UBE2L3: variants seen among roughly 807,000 people sequenced by gnomAD.
UBE2L3 encodes the protein ubiquitin conjugating enzyme E2 L3.
UBE2L3 carries 1 observed loss-of-function variant against 17.8 expected under a neutral mutation model. That is an observed-to-expected ratio of 0.06 (90% CI 0.02 to 0.27). UBE2L3 has a LOEUF of 0.27. Among genes scored for constraint, UBE2L3 ranks in the 10% least tolerant of loss-of-function variants. UBE2L3 has a pLI of 1.00. For synonymous variants in UBE2L3, 44 were observed against 68.5 expected (o/e 0.64, Z 1.76); for missense variants, 40 against 192.6 (o/e 0.21, Z 4.69).
chr22:21,592,562 A>G (rs1384626705), intron 1 of UBE2L3, among the ~76,000 whole-genome samples: 2 of 152,174 alleles, frequency 1.3e-5, no homozygotes, highest in Admixed American at 6.5e-5. Context: ...CATGGTGACC[A>G]ACCCAAAGAG....
intron 2 of UBE2L3, among the ~76,000 whole-genome samples, chr22:21,596,241 C>T (rs1378272383): frequency 6.6e-6 from 1 of 152,120 alleles, no homozygotes; most frequent in Non-Finnish European, 1.5e-5. Context: ...TGTGCTGTCA[C>T]CCAGGCTAGG....
rs1930058314 is a variant in UBE2L3, at chr22:21,622,033, C to T, written c.*364C>T. On this transcript the variant is annotated 3_prime_UTR_variant, in exon 4 of 4. Coordinates refer to ENST00000342192, the MANE Select transcript of UBE2L3 (RefSeq NM_003347.4). ...GGTTGTGGTTCCCTTTCTTCCCTAC[C>T]CTTGCCACTCCCACTTTCTGGCACC... is the stretch of plus-strand genomic sequence containing the variant. 1 of 201,154 alleles carries T rather than the reference C, an allele frequency of 5.0e-6. No homozygotes were observed. The highest frequency in any genetic ancestry group is 1.0e-5 in the Non-Finnish European group (1 of 99,754). The allele number at this position is 201,154 out of a possible 1,614,324, so 12.5% of individuals were successfully genotyped here. A position where few individuals can be genotyped will look rare whatever the true frequency, so the allele number is the denominator to read the frequency against.
At chr22:21,557,480 G>A (rs1422573281) in intron 1 of UBE2L3, among the ~76,000 whole-genome samples, 34 of 152,246 alleles carry the variant, frequency 2.2e-4, no homozygotes, top group African/African-American at 7.9e-4. Context: ...TGCAGGAAGC[G>A]GATGGGGAGA....
At chr22:21,586,910 C>T (rs1187135274) in intron 1 of UBE2L3, among the ~76,000 whole-genome samples, 2 of 140,156 alleles carry the variant, frequency 1.4e-5, no homozygotes, top group Non-Finnish European at 3.0e-5. Flanking sequence ...GATAGGTTCT[C>T]GCTCTGTCGC....
intron 1 of UBE2L3, among the ~76,000 whole-genome samples, chr22:21,570,935 T>C (rs1926930359): frequency 6.6e-6 from 1 of 152,196 alleles, no homozygotes; most frequent in Admixed American, 6.5e-5. Context: ...ACAGCAAAGA[T>C]TTCTTTGTAA....
At chr22:21,581,326 G>A (rs1284789065) in intron 1 of UBE2L3, among the ~76,000 whole-genome samples, 2 of 149,096 alleles carry the variant, frequency 1.3e-5, no homozygotes, top group Non-Finnish European at 3.0e-5. Context: ...CAAAGTGCTG[G>A]GATTTGAGCC....
At chr22:21,574,925 A>G (rs1012524570) in intron 1 of UBE2L3, among the ~76,000 whole-genome samples, 1 of 151,780 alleles carries the variant, frequency 6.6e-6, no homozygotes, top group African/African-American at 2.4e-5. Context: ...AGATCGTGCC[A>G]CTGCACTCCA....
chr22:21,610,795 C>A, intron 2 of UBE2L3, 62 bp from the exon 3 acceptor site: 1 of 1,433,518 alleles, frequency 7.0e-7, no homozygotes, highest in East Asian at 2.5e-5. Context: ...TTAAAACATT[C>A]CTGTCTTGGC....
intron 1 of UBE2L3, among the ~76,000 whole-genome samples, chr22:21,579,770 CA>C (rs1480367481): frequency 4.6e-5 from 7 of 151,470 alleles, no homozygotes; most frequent in Non-Finnish European, 8.8e-5. Context: ...GACCCTGTCT[CA>C]GGGGGAAAAA....
At chr22:21,588,552 G>A (rs927889432) in intron 1 of UBE2L3, among the ~76,000 whole-genome samples, 3 of 146,966 alleles carry the variant, frequency 2.0e-5, no homozygotes, top group Admixed American at 7.0e-5. Flanking sequence ...TCACTGCACA[G>A]CCTTGACTGC....
intron 3 of UBE2L3, among the ~76,000 whole-genome samples, chr22:21,621,036 G>C (rs1488536221): frequency 1.3e-5 from 2 of 152,184 alleles, no homozygotes; most frequent in Non-Finnish European, 2.9e-5. Context: ...GGTGGTGCAC[G>C]ACTGTAGTCC....
At chr22:21,615,014 G>T (rs938301336) in intron 3 of UBE2L3, among the ~76,000 whole-genome samples, 141 of 152,144 alleles carry the variant, frequency 9.3e-4, no homozygotes, top group Non-Finnish European at 3.4e-4. Flanking sequence ...AATTAGCTGG[G>T]TGTGGTGGCG....
At chr22:21,609,836 G>A (rs897097202) in intron 2 of UBE2L3, among the ~76,000 whole-genome samples, 13 of 152,104 alleles carry the variant, frequency 8.5e-5, no homozygotes, top group African/African-American at 2.2e-4. Context: ...GACCAGCCTG[G>A]CCAACATGGT....
intron 1 of UBE2L3, among the ~76,000 whole-genome samples, chr22:21,561,201 T>C (rs1020237356): frequency 3.3e-5 from 5 of 152,296 alleles, no homozygotes; most frequent in African/African-American, 1.2e-4. Context: ...AGTTTTTTCC[T>C]CTGTAAATGG....
chr22:21,576,207 C>T lies in UBE2L3; in HGVS notation c.27+8436C>T, dbSNP rs539968534. On this transcript the variant is annotated intron_variant, in intron 1 of 3. Transcript: ENST00000342192. ...TTGGTTCACTGCAACCTCCGCCTCC[C>T]GGGTTCAAGCAATTCTTCTGCCTCA... Among the ~76,000 whole-genome samples the T allele has an allele frequency of 8.6e-5, 13 of 151,468 alleles. No individual in the cohort carries two copies. In the South Asian group the frequency reaches 1.0e-3, roughly 12 times the overall value.
chr22:21,612,044 T>C (rs1041522471), intron 3 of UBE2L3, among the ~76,000 whole-genome samples: 1 of 152,196 alleles, frequency 6.6e-6, no homozygotes, highest in African/African-American at 2.4e-5. Context: ...AGCTGAACTT[T>C]TGACCTGCAC....
intron 1 of UBE2L3, among the ~76,000 whole-genome samples, chr22:21,586,713 G>A (rs1927957461): frequency 1.3e-5 from 2 of 151,722 alleles, no homozygotes; most frequent in Non-Finnish European, 2.9e-5. Context: ...GAATACAGGA[G>A]TCAACCACCA....
At chr22:21,597,652 C>G (rs1423305924) in intron 2 of UBE2L3, among the ~76,000 whole-genome samples, 2 of 151,560 alleles carry the variant, frequency 1.3e-5, no homozygotes, top group Non-Finnish European at 2.9e-5. Context: ...GTTGCCTATA[C>G]TTTGGTTTGA....
chr22:21,618,981 G>A (rs1026116120), intron 3 of UBE2L3, among the ~76,000 whole-genome samples: 1 of 152,142 alleles, frequency 6.6e-6, no homozygotes, highest in South Asian at 2.1e-4. Flanking sequence ...TGCCCCTAAC[G>A]AAGTACTCAG....
Sources: allele counts gnomAD v4.1 joint callset (sites outside exome capture counted in the v4.1 genomes callset), GRCh38; gene constraint gnomAD v4.1.1; transcripts MANE v1.5; gene names NCBI Gene and HGNC (gene_info 2026-07-23, HGNC 2026-07-21).